The following RGS17 variants were observed in gnomAD, a reference collection of about 807,000 sequenced individuals.
RGS17 encodes the protein regulator of G protein signaling 17.
In RGS17, 12 loss-of-function variants were observed where a neutral mutation model predicts 25.5. The ratio of observed to expected loss-of-function variants is 0.47; its 90% CI spans 0.30 to 0.76. The LOEUF (loss-of-function observed/expected upper bound fraction) is 0.76. Among genes scored for constraint, RGS17 ranks in the 30% least tolerant of loss-of-function variants. The pLI, the probability that RGS17 is intolerant of heterozygous loss-of-function variation, is 0.07. For synonymous variants in RGS17, 71 were observed against 76.9 expected, an observed-to-expected ratio of 0.92 and a Z score of 0.40; for missense variants, 196 against 242.2, an observed-to-expected ratio of 0.81 and a Z score of 1.27.
intron 2 of RGS17, among the ~76,000 whole-genome samples, chr6:153,027,314 C>T (rs1289706992): frequency 6.6e-6 from 1 of 151,850 alleles, no homozygotes; most frequent in Non-Finnish European, 1.5e-5. Context: ...ACAATTGCTC[C>T]CTAAAGCTGA....
At chr6:153,012,196 T>G (rs1779141338) in intron 4 of RGS17, among the ~76,000 whole-genome samples, 1 of 152,170 alleles carries the variant, frequency 6.6e-6, no homozygotes. Flanking sequence ...AAAATTAACA[T>G]GCATATAAAA....
At chr6:153,025,667 T>C (rs1779292520) in intron 3 of RGS17, among the ~76,000 whole-genome samples, 1 of 143,180 alleles carries the variant, frequency 7.0e-6, no homozygotes, top group South Asian at 2.2e-4. Flanking sequence ...AAAACATATA[T>C]ATATAAACAT....
At chr6:153,107,898 T>C (rs540356185) in intron 1 of RGS17, among the ~76,000 whole-genome samples, 1 of 152,340 alleles carries the variant, frequency 6.6e-6, no homozygotes, top group South Asian at 2.1e-4. Flanking sequence ...TCTCATTTCT[T>C]GCTTCAGTGC....
chr6:153,024,309 C>A lies in RGS17; in HGVS notation c.397G>T (p.Ala133Ser). 1.2e-6 allele frequency: 2 copies of A among 1,613,788 alleles called. No individual in the cohort carries two copies. The highest frequency in any genetic ancestry group is 1.7e-6 in the Non-Finnish European group (2 of 1,179,752). The change falls in exon 4 of 5, where the codon GCT becomes TCT. Residue 133 changes from alanine to serine, a missense_variant. This residue lies in a region of RGS17 where 179 missense variants were observed against 197.6 expected (regional missense o/e 0.91). Coordinates refer to ENST00000206262, the MANE Select transcript of RGS17 (RefSeq NM_012419.5). ...ATGTAATCTTCATATATCATCCTAG[C>A]CTTTTCTTCAATTACTTTTTTGTTC... ...EQNKKVIEEK[A>S]RMIYEDYISI...
intron 1 of RGS17, among the ~76,000 whole-genome samples, chr6:153,044,442 G>T (rs1222920692): frequency 4.6e-5 from 7 of 152,160 alleles, no homozygotes; most frequent in Non-Finnish European, 1.5e-5. Flanking sequence ...AATGTTTACA[G>T]TAAGGTAAAT....
intron 2 of RGS17, among the ~76,000 whole-genome samples, chr6:153,029,525 C>T (rs944271909): frequency 3.9e-5 from 6 of 152,048 alleles, no homozygotes; most frequent in African/African-American, 1.2e-4. Flanking sequence ...TGAGGAAAGC[C>T]CTAAAAGGAA....
At chr6:153,064,051 G>A (rs1266922161) in intron 1 of RGS17, among the ~76,000 whole-genome samples, 2 of 152,118 alleles carry the variant, frequency 1.3e-5, no homozygotes, top group Non-Finnish European at 2.9e-5. Flanking sequence ...AACAAAAGCT[G>A]AAGGATTTCA....
intron 1 of RGS17, among the ~76,000 whole-genome samples, chr6:153,068,320 G>A (rs1460592218): frequency 6.6e-6 from 1 of 152,086 alleles, no homozygotes; most frequent in African/African-American, 2.4e-5. Context: ...GGTGGTGCAT[G>A]CCTGCAGTCC....
chr6:153,037,899 TA>T (rs1029876486), intron 2 of RGS17, among the ~76,000 whole-genome samples: 3 of 152,130 alleles, frequency 2.0e-5, no homozygotes, highest in African/African-American at 7.2e-5. Flanking sequence ...ATCACTCGTA[TA>T]AAAAATGGTT....
chr6:153,122,854 G>A (rs1777652453), intron 1 of RGS17, among the ~76,000 whole-genome samples: 1 of 151,084 alleles, frequency 6.6e-6, no homozygotes, highest in Admixed American at 6.6e-5. Flanking sequence ...AGAGAGTGTG[G>A]GGAAAATCAA....
intron 1 of RGS17, among the ~76,000 whole-genome samples, chr6:153,053,927 A>G (rs1178091940): frequency 1.6e-5 from 1 of 62,862 alleles, no homozygotes; most frequent in Non-Finnish European, 2.5e-5. Flanking sequence ...ATATATATGT[A>G]TATATATGTA....
At chr6:153,106,958 AG>A (rs2129124453) in intron 1 of RGS17, among the ~76,000 whole-genome samples, 1 of 152,156 alleles carries the variant, frequency 6.6e-6, no homozygotes, top group African/African-American at 2.4e-5. Flanking sequence ...CTGTCATACT[AG>A]GATTCACAGA....
chr6:153,049,120 T>G (rs1473376285), intron 1 of RGS17, among the ~76,000 whole-genome samples: 2 of 152,016 alleles, frequency 1.3e-5, no homozygotes, highest in Non-Finnish European at 2.9e-5. Context: ...AATACAAACT[T>G]TACTATTTAC....
rs375276939 is a variant in RGS17 at position 153,007,317 on chromosome 6, T to A, written c.*4257A>T. The A allele has an allele frequency of 2.9e-4, 44 of 152,292 alleles. No individual in the cohort carries two copies. The highest frequency in any genetic ancestry group is 8.9e-4 in the African/African-American group (37 of 41,548). 9.4% of individuals were successfully genotyped at this position (152,292 alleles called of 1,614,324 possible). ...TGTAGCAAGTGAAGAATTAAAAATT[T>A]TTGCAGATTGGATATTGTTTTTGCA... On this transcript the variant is annotated 3_prime_UTR_variant, in exon 5 of 5. Transcript: ENST00000206262.
chr6:153,129,874 G>A (rs1777760443), intron 1 of RGS17, among the ~76,000 whole-genome samples: 2 of 152,324 alleles, frequency 1.3e-5, no homozygotes, highest in East Asian at 3.9e-4. Context: ...CGGGCGACAG[G>A]GGTTCTCCCA....
intron 1 of RGS17, among the ~76,000 whole-genome samples, chr6:153,100,995 T>G (rs542502274): frequency 9.5e-4 from 145 of 152,348 alleles, no homozygotes; most frequent in African/African-American, 3.0e-3. Flanking sequence ...GGAGTCTCTC[T>G]GAGCCTATTC....
chr6:153,081,816 C>T (rs1240860289), intron 1 of RGS17, among the ~76,000 whole-genome samples: 1 of 152,128 alleles, frequency 6.6e-6, no homozygotes, highest in Non-Finnish European at 1.5e-5. Flanking sequence ...TTCATGTTTA[C>T]CCACATTTTC....
Position 153,130,206 on chromosome 6 carries a change from C to G in RGS17, c.-26+918G>C, listed in dbSNP as rs1198350900. 6.6e-6 allele frequency among the ~76,000 whole-genome samples: 1 copy of G among 152,190 alleles called. No homozygotes were observed. The highest frequency in any genetic ancestry group is 1.5e-5 in the Non-Finnish European group (1 of 68,040). ...GGCCGTGTCTGCACCCAGCCTCTGCCGCAGCACTCGATGAGGGACAGCAGG... is the reference window on the plus strand; with the variant it reads ...GGCCGTGTCTGCACCCAGCCTCTGCGGCAGCACTCGATGAGGGACAGCAGG... On this transcript the variant is annotated intron_variant, in intron 1 of 4. Coordinates refer to ENST00000206262, the MANE Select transcript of RGS17 (RefSeq NM_012419.5). This position sits in a 1 kb window ranked among gnomAD's most constrained non-coding sequence, Gnocchi z 6.4.
At chr6:153,026,392 C>T (rs1017616188) in intron 3 of RGS17, 62 bp downstream of exon 3, 23 of 1,181,442 alleles carry the variant, frequency 1.9e-5, no homozygotes, top group East Asian at 4.8e-5. Flanking sequence ...TACTGAGGCA[C>T]GCAGTTGATG....
Sources: allele counts gnomAD v4.1 joint callset (sites outside exome capture counted in the v4.1 genomes callset), GRCh38; gene constraint gnomAD v4.1.1; regional missense constraint gnomAD v4.1.1; non-coding constraint Gnocchi (gnomAD v3.1); transcripts MANE v1.5; gene names NCBI Gene and HGNC (gene_info 2026-07-23, HGNC 2026-07-21).